WWC2: variants seen among roughly 807,000 people sequenced by gnomAD.
The protein encoded by WWC2 is WW and C2 domain containing 2, also known as protein WWC2.
A neutral mutation model predicts 138.5 loss-of-function variants in WWC2; 101 were observed. The observed-to-expected ratio is 0.73, with a 90% CI of 0.62 to 0.86. The LOEUF is 0.86. Among genes scored for constraint, WWC2 ranks in the 40% least tolerant of loss-of-function variants. The pLI is 0.00. For synonymous variants in WWC2, 558 were observed against 538.4 expected (o/e 1.04, Z -0.50); for missense variants, 1,420 against 1,419.4 (o/e 1.00, Z -0.01).
intron 14 of WWC2, among the ~76,000 whole-genome samples, chr4:183,267,584 C>G (rs888590256): frequency 9.9e-5 from 15 of 152,232 alleles, no homozygotes; most frequent in African/African-American, 3.6e-4. Flanking sequence ...TTTAAACTCA[C>G]TGTAAGGGTG....
At position 183,128,493 on chromosome 4, in the gene WWC2, C is replaced by T. The variant is rs976037700; in HGVS notation, c.131+28871C>T. Among the ~76,000 whole-genome samples, 3 of 152,132 alleles carry T rather than the reference C, an allele frequency of 2.0e-5. No individual in the cohort carries two copies. The East Asian group carries it at 5.8e-4, about 29-fold the overall frequency. Reference sequence around the variant, plus strand: ...TTGTGCCACTGCATACTAGCCTGGGCAACAGAGCAAGATCCTGTCTTAAAA... The same window carrying T: ...TTGTGCCACTGCATACTAGCCTGGGTAACAGAGCAAGATCCTGTCTTAAAA... On this transcript the variant is annotated intron_variant, in intron 1 of 22. Coordinates refer to ENST00000403733, the MANE Select transcript of WWC2 (RefSeq NM_024949.6).
chr4:183,130,835 G>A (rs184876252), intron 1 of WWC2, among the ~76,000 whole-genome samples: 2 of 152,100 alleles, frequency 1.3e-5, no homozygotes, highest in Admixed American at 6.5e-5. Context: ...GTCACATTGG[G>A]CATTCTCCTC....
intron 3 of WWC2, 126 bp downstream of exon 3, chr4:183,208,282 AAAACC>A: frequency 1.9e-6 from 2 of 1,037,710 alleles, no homozygotes; most frequent in Non-Finnish European, 2.7e-6. Flanking sequence ...AGAGTCTCTC[AAAACC>A]ATTGAGAGGT....
chr4:183,282,547 T>G, intron 17 of WWC2, 161 bp from the exon 18 acceptor site: 1 of 704,610 alleles, frequency 1.4e-6, no homozygotes, highest in Non-Finnish European at 2.3e-6. Flanking sequence ...AAGAGAGGAT[T>G]TTTTTAAATG....
intron 1 of WWC2, among the ~76,000 whole-genome samples, chr4:183,171,658 T>TG (rs1734284177): frequency 6.6e-6 from 1 of 152,164 alleles, no homozygotes; most frequent in African/African-American, 2.4e-5. Context: ...AACACTCAAA[T>TG]GGTTCCCAAA....
At chr4:183,250,223 A>G (rs1463605018) in intron 8 of WWC2, among the ~76,000 whole-genome samples, 2 of 149,618 alleles carry the variant, frequency 1.3e-5, no homozygotes, top group Non-Finnish European at 3.0e-5. Flanking sequence ...TGAGAAGTAT[A>G]CAAATGAACT....
rs535500383 is a variant in WWC2 at position 183,158,184 on chromosome 4, G to A, written c.132-35415G>A. ...AGCAGAAACTTGAGATATACAGTCA[G>A]TTCTGTTACAATGCAGCGTATGCAT... On this transcript the variant is annotated intron_variant, in intron 1 of 22. Coordinates refer to ENST00000403733, the MANE Select transcript of WWC2 (RefSeq NM_024949.6). 2.0e-5 allele frequency among the ~76,000 whole-genome samples: 3 copies of A among 152,212 alleles called. No homozygotes were observed. The South Asian group carries it at 6.2e-4, about 32-fold the overall frequency.
At chr4:183,295,929 A>G (rs1738618421) in intron 21 of WWC2, among the ~76,000 whole-genome samples, 1 of 152,208 alleles carries the variant, frequency 6.6e-6, no homozygotes, top group African/African-American at 2.4e-5. Flanking sequence ...TTGCCTTGTA[A>G]GTGACCTCTT....
At chr4:183,237,932 A>G (rs537098409) in intron 4 of WWC2, among the ~76,000 whole-genome samples, 4 of 152,188 alleles carry the variant, frequency 2.6e-5, no homozygotes, top group Non-Finnish European at 5.9e-5. Context: ...TCTAGTAGAC[A>G]TGTGAATAAT....
intron 1 of WWC2, among the ~76,000 whole-genome samples, chr4:183,144,891 T>G (rs1246973609): frequency 6.6e-6 from 1 of 152,256 alleles, no homozygotes; most frequent in Non-Finnish European, 1.5e-5. Context: ...TAGGGCATTC[T>G]TAAATCCACT....
At chr4:183,288,707 A>G (rs1738333320) in intron 20 of WWC2, among the ~76,000 whole-genome samples, 1 of 152,206 alleles carries the variant, frequency 6.6e-6, no homozygotes, top group Non-Finnish European at 1.5e-5. Flanking sequence ...TTATTGCTTG[A>G]TGAATAGGTT....
chr4:183,174,849 T>G (rs192744317), intron 1 of WWC2, among the ~76,000 whole-genome samples: 1 of 152,080 alleles, frequency 6.6e-6, no homozygotes, highest in East Asian at 1.9e-4. Flanking sequence ...CTCTGTAATA[T>G]TCTACAAGTA....
chr4:183,113,937 T>A lies in WWC2; in HGVS notation c.131+14315T>A, dbSNP rs534540113. ...GCTCATGATGTGGGTACATGAGGCT[T>A]GAGGAAAAGAGAGAATAAAAGAGTT... On this transcript the variant is annotated intron_variant, in intron 1 of 22. Transcript: ENST00000403733. Among the ~76,000 whole-genome samples the A allele has an allele frequency of 2.6e-5, 4 of 152,144 alleles. No individual in the cohort carries two copies. In the East Asian group the frequency reaches 7.7e-4, roughly 29 times the overall value.
intron 1 of WWC2, among the ~76,000 whole-genome samples, chr4:183,118,132 G>T (rs745983170): frequency 6.6e-6 from 1 of 152,136 alleles, no homozygotes; most frequent in Non-Finnish European, 1.5e-5. Context: ...TACTCTTATA[G>T]TCGAGCCTCA....
intron 1 of WWC2, among the ~76,000 whole-genome samples, chr4:183,164,420 A>G (rs1019753402): frequency 7.2e-6 from 1 of 139,100 alleles, no homozygotes; most frequent in Non-Finnish European, 1.5e-5. Flanking sequence ...TAATATATAT[A>G]TTTTTATATA....
chr4:183,260,115 C>T (rs969962487), intron 10 of WWC2, among the ~76,000 whole-genome samples: 1 of 152,130 alleles, frequency 6.6e-6, no homozygotes, highest in Non-Finnish European at 1.5e-5. Flanking sequence ...CGTGAGCGAA[C>T]CCAAGGGTCT....
At chr4:183,156,628 G>A (rs968002166) in intron 1 of WWC2, among the ~76,000 whole-genome samples, 3 of 152,068 alleles carry the variant, frequency 2.0e-5, no homozygotes, top group Non-Finnish European at 2.9e-5. Context: ...CACCACGCCC[G>A]GCACCTTTGT....
chr4:183,118,329 A>G (rs1732492053), intron 1 of WWC2, among the ~76,000 whole-genome samples: 1 of 152,188 alleles, frequency 6.6e-6, no homozygotes, highest in Non-Finnish European at 1.5e-5. Context: ...ACAGGCAGTC[A>G]CTAAACTATG....
chr4:183,184,300 T>TATA (rs1460727601), intron 1 of WWC2, among the ~76,000 whole-genome samples: 1 of 152,236 alleles, frequency 6.6e-6, no homozygotes, highest in African/African-American at 2.4e-5. Flanking sequence ...TTGTAGCATG[T>TATA]ATAAGTACTT....
Sources: gnomAD v4.1 joint callset for allele counts (sites outside exome capture counted in the v4.1 genomes callset) on GRCh38, gnomAD v4.1.1 for gene constraint, MANE v1.5 for transcripts, NCBI Gene and HGNC (gene_info 2026-07-23, HGNC 2026-07-21) for gene names.